RIPOR3: variants seen among roughly 807,000 people sequenced by gnomAD.
The protein encoded by RIPOR3 is RIPOR family member 3.
RIPOR3 carries 95 observed loss-of-function variants against 114.3 expected under a neutral mutation model. The ratio of observed to expected loss-of-function variants is 0.83; its 90% CI spans 0.70 to 0.99. RIPOR3 has a LOEUF of 0.99. Among genes scored for constraint, RIPOR3 ranks in the 50% least tolerant of loss-of-function variants. RIPOR3 has a pLI of 0.00. For missense variants in RIPOR3, 1,252 were observed against 1,266.9 expected (o/e 0.99, Z 0.18); for synonymous variants, 575 against 543.8 (o/e 1.06, Z -0.80).
intron 1 of RIPOR3, among the ~76,000 whole-genome samples, chr20:50,671,287 C>G (rs1337879027): frequency 6.6e-6 from 1 of 152,196 alleles, no homozygotes; most frequent in Non-Finnish European, 1.5e-5. Context: ...CCATGCCCAG[C>G]CATGGGTAGG....
At position 50,587,127 on chromosome 20, in the gene RIPOR3, C is replaced by T; in HGVS notation, c.*105G>A. The stretch of plus-strand genomic sequence containing the variant: ...CAGGTAGAGCTCTGGGCAGCTCACA[C>T]TCCTGGAGGAGTGCACAGCACCATT... On this transcript the variant is annotated 3_prime_UTR_variant, in exon 22 of 22. Transcript: ENST00000327979. 3 of 859,896 alleles carry T rather than the reference C, an allele frequency of 3.5e-6. No homozygotes were observed. The highest frequency in any genetic ancestry group is 3.0e-5 in the South Asian group (2 of 65,964). The allele number at this position is 859,896 out of a possible 1,614,324, so 53.3% of individuals were successfully genotyped here.
At position 50,608,391 on chromosome 20, in the gene RIPOR3, C is replaced by T. The variant is rs776323037; in HGVS notation, c.954G>A (p.Trp318Ter). Residue 318 changes from tryptophan to a stop codon, truncating the protein, a stop_gained and splice_region_variant, in exon 11 of 22, where the codon TGG becomes TGA. Coordinates refer to ENST00000327979, the MANE Select transcript of RIPOR3 (RefSeq NM_001290268.2). LOFTEE classifies it high-confidence loss of function. ...GTIKLQLEVQ[W>*]NPFDTESFLV... ...TCCCCAGGCTGGACGGGACTCACTT[C>T]CACTGCACCTCCAGCTGCAGCTTGA... is the stretch of plus-strand genomic sequence containing the variant. The T allele has an allele frequency of 1.5e-5, 25 of 1,613,830 alleles. No individual in the cohort carries two copies. The highest frequency in any genetic ancestry group is 3.4e-6 in the Non-Finnish European group (4 of 1,179,912).
chr20:50,656,145 C>A (rs1168916273), intron 1 of RIPOR3, among the ~76,000 whole-genome samples: 1 of 151,582 alleles, frequency 6.6e-6, no homozygotes, highest in Non-Finnish European at 1.5e-5. Context: ...GCAGCTGGGA[C>A]TACAGGCCCG....
intron 1 of RIPOR3, among the ~76,000 whole-genome samples, chr20:50,681,873 C>G (rs1301131039): frequency 6.6e-6 from 1 of 152,222 alleles, no homozygotes; most frequent in African/African-American, 2.4e-5. Context: ...AGATGTGGGA[C>G]GTCACAAACA....
chr20:50,644,846 T>G (rs1600670174), intron 1 of RIPOR3, among the ~76,000 whole-genome samples: 1 of 66,244 alleles, frequency 1.5e-5, no homozygotes, highest in Non-Finnish European at 2.8e-5. Flanking sequence ...TATTTTTTAT[T>G]TTTTTTTTTT....
chr20:50,674,417 A>T (rs902141960), intron 1 of RIPOR3, among the ~76,000 whole-genome samples: 1 of 151,962 alleles, frequency 6.6e-6, no homozygotes, highest in Non-Finnish European at 1.5e-5. Context: ...AGTTTGGAGA[A>T]GTGCCCAGGA....
Position 50,620,127 on chromosome 20 carries a change from G to A in RIPOR3, c.128C>T (p.Ser43Phe), listed in dbSNP as rs1007620900. 12 of 1,613,770 alleles carry A rather than the reference G, an allele frequency of 7.4e-6. No individual in the cohort carries two copies. In the East Asian group the frequency reaches 1.6e-4, roughly 21 times the overall value. The change falls in exon 3 of 22, where the codon TCC (serine) becomes TTC (phenylalanine). Residue 43 changes from serine to phenylalanine, a missense_variant. Transcript: ENST00000327979. ...SSAQSRRIAKSINRNSVRSRM... is the reference protein window; with the variant it reads ...SSAQSRRIAKFINRNSVRSRM... ...CGATCTCACGGAGTTCCTGTTGATG[G>A]ACTTTCTGTGAGAAGGGTTGGAGGG...
At chr20:50,614,431 G>A (rs1600573711) in intron 4 of RIPOR3, among the ~76,000 whole-genome samples, 1 of 152,194 alleles carries the variant, frequency 6.6e-6, no homozygotes, top group Non-Finnish European at 1.5e-5. Context: ...TGGTGCTTTG[G>A]AGGAGGGATT....
intron 21 of RIPOR3, 58 bp downstream of exon 21, chr20:50,587,744 G>C: frequency 1.3e-6 from 2 of 1,546,024 alleles, no homozygotes; most frequent in Admixed American, 3.4e-5. Flanking sequence ...GTGGCCTCTC[G>C]CAGATTCTAA....
intron 13 of RIPOR3, among the ~76,000 whole-genome samples, chr20:50,601,738 T>C (rs1300308433): frequency 6.6e-6 from 1 of 152,140 alleles, no homozygotes; most frequent in African/African-American, 2.4e-5. Flanking sequence ...TGGAGCCAGC[T>C]GCGACCCTGA....
At chr20:50,593,486 G>T (rs2083180825) in intron 17 of RIPOR3, among the ~76,000 whole-genome samples, 1 of 152,048 alleles carries the variant, frequency 6.6e-6, no homozygotes, top group African/African-American at 2.4e-5. Flanking sequence ...CAGGAGAATC[G>T]CTTGAACCCG....
chr20:50,674,625 C>T (rs983813545), intron 1 of RIPOR3, among the ~76,000 whole-genome samples: 1 of 148,510 alleles, frequency 6.7e-6, no homozygotes, highest in African/African-American at 2.5e-5. Context: ...AGGGTAGGCC[C>T]TAAGTCTAAT....
chr20:50,593,301 A>G, intron 17 of RIPOR3, 105 bp from the exon 18 acceptor site: 16 of 1,314,870 alleles, frequency 1.2e-5, no homozygotes, highest in Non-Finnish European at 1.6e-5. Flanking sequence ...GGCCGGGCGC[A>G]GTGGCTCGCA....
chr20:50,683,578 G>A (rs1027452215), intron 1 of RIPOR3, among the ~76,000 whole-genome samples: 2 of 151,746 alleles, frequency 1.3e-5, no homozygotes, highest in Non-Finnish European at 2.9e-5. Flanking sequence ...TCAGCCTCCC[G>A]AGTAGCTGGG....
rs1482334590 is a variant in RIPOR3, at chr20:50,602,396, C to A, written c.1335G>T (p.Glu445Asp). ...TFGPHASIEE[E>D]AREDPLPPGL... ...CTGGGGGCAGGGGGTCCTCCCGAGCCTCCTCTTCAATGGAGGCGTGGGGAC... is the reference window on the plus strand; with the variant it reads ...CTGGGGGCAGGGGGTCCTCCCGAGCATCCTCTTCAATGGAGGCGTGGGGAC... The change falls in exon 13 of 22, where the codon GAG becomes GAT. Residue 445 changes from glutamate to aspartate, a missense_variant. By Grantham distance (45) the Glu-to-Asp change is conservative (BLOSUM62 2). Transcript: ENST00000327979. This position sits in a 1 kb window ranked among gnomAD's most constrained non-coding sequence, Gnocchi z 4.3. 1 of 1,611,820 alleles carries A rather than the reference C, an allele frequency of 6.2e-7. No individual in the cohort carries two copies. Among genetic ancestry groups the A allele is most frequent in the South Asian group, 1.1e-5 (1 of 90,910 alleles).
At chr20:50,643,949 G>A (rs74626061) in intron 1 of RIPOR3, among the ~76,000 whole-genome samples, 4 of 151,816 alleles carry the variant, frequency 2.6e-5, no homozygotes, top group Admixed American at 1.3e-4. Context: ...TCCTGACCTC[G>A]TGATCCGCCC....
chr20:50,592,325 C>A lies in RIPOR3; in HGVS notation c.2577+19G>T. 1 of 1,539,846 alleles carries A rather than the reference C, an allele frequency of 6.5e-7. No homozygotes were observed. Among genetic ancestry groups the A allele is most frequent in the East Asian group, 2.3e-5 (1 of 42,664 alleles). On this transcript the variant is annotated intron_variant, in intron 19 of 21. Transcript: ENST00000327979. ...ACACATCTGTGGCCAGGGTCTGCCA[C>A]CTGCCCTGGACAACGTACCTTTTCC...
At chr20:50,610,495 T>C (rs956892892) in intron 6 of RIPOR3, among the ~76,000 whole-genome samples, 1 of 152,192 alleles carries the variant, frequency 6.6e-6, no homozygotes, top group African/African-American at 2.4e-5. Flanking sequence ...GGCCAACCCA[T>C]GTTCATCTCT....
intron 4 of RIPOR3, among the ~76,000 whole-genome samples, chr20:50,613,414 C>A (rs994890300): frequency 2.0e-5 from 3 of 152,064 alleles, no homozygotes; most frequent in Non-Finnish European, 4.4e-5. Flanking sequence ...GATCGTGACA[C>A]TGGACTCCAG....
Sources: gnomAD v4.1 joint callset for allele counts (sites outside exome capture counted in the v4.1 genomes callset) on GRCh38, gnomAD v4.1.1 for gene constraint, Gnocchi (gnomAD v3.1) non-coding constraint, MANE v1.5 for transcripts, NCBI Gene and HGNC (gene_info 2026-07-23, HGNC 2026-07-21) for gene names.